Variants in NAV1 observed in about 807,000 individuals in gnomAD.
NAV1 encodes the protein neuron navigator 1.
In NAV1, 18 loss-of-function variants were observed where a neutral mutation model predicts 175.2. That is an observed-to-expected ratio of 0.10 (90% confidence interval 0.07 to 0.15). The LOEUF is 0.15. Among genes scored for constraint, NAV1 ranks in the 10% least tolerant of loss-of-function variants. The pLI is 1.00. For synonymous variants in NAV1, 897 were observed against 978.7 expected (o/e 0.92, Z 1.56); for missense variants, 1,731 against 2,436.6 (o/e 0.71, Z 6.10).
At chr1:201,725,421 A>G (rs1672563682) in intron 3 of NAV1, among the ~76,000 whole-genome samples, 1 of 152,170 alleles carries the variant, frequency 6.6e-6, no homozygotes, top group African/African-American at 2.4e-5. Context: ...TCAGGAAGGA[A>G]ACTCAGTTTC....
exon 30 of NAV1, chr1:201,825,054 G>A (rs1266015400): frequency 6.6e-6 from 1 of 152,158 alleles, no homozygotes; most frequent in East Asian, 1.9e-4. Context: ...TAATTTCAAA[G>A]TCACCTTTCT....
chr1:201,761,429 G>T (rs1674835712), intron 3 of NAV1, among the ~76,000 whole-genome samples: 1 of 152,164 alleles, frequency 6.6e-6, no homozygotes, highest in Non-Finnish European at 1.5e-5. Flanking sequence ...GGGTCTTTTA[G>T]AGCTGCCAGA....
chr1:201,744,463 C>G (rs1224880396), intron 3 of NAV1, among the ~76,000 whole-genome samples: 2 of 152,064 alleles, frequency 1.3e-5, no homozygotes, highest in African/African-American at 2.4e-5. Flanking sequence ...CATTTAGGAG[C>G]TATGTTTTCT....
At chr1:201,803,777 A>G in intron 16 of NAV1, 63 bp downstream of exon 20, 1 of 1,573,380 alleles carries the variant, frequency 6.4e-7, no homozygotes, top group African/African-American at 1.4e-5. Flanking sequence ...TCACCTCAGC[A>G]TAGGGATCGA....
chr1:201,824,730 A>G (rs1003406875), exon 30 of NAV1: 4 of 152,150 alleles, frequency 2.6e-5, no homozygotes, highest in African/African-American at 4.8e-5. Context: ...TCATGGAAGT[A>G]AGTGAGTGAT....
chr1:201,704,249 G>A (rs1236643247), intron 1 of NAV1, among the ~76,000 whole-genome samples: 1 of 152,258 alleles, frequency 6.6e-6, no homozygotes, highest in Non-Finnish European at 1.5e-5. Context: ...TGGGAGGAAA[G>A]GAGCTGTGCT....
At chr1:201,542,378 G>A (rs521838) in intron 1 of NAV1, among the ~76,000 whole-genome samples, 1,806 of 152,158 alleles carry the variant, frequency 0.012, 43 homozygotes, top group African/African-American at 0.041. Flanking sequence ...GCAATACTTG[G>A]CAAACACTTC....
At chr1:201,562,921 A>T (rs914288852) in intron 1 of NAV1, among the ~76,000 whole-genome samples, 3 of 152,150 alleles carry the variant, frequency 2.0e-5, no homozygotes, top group Admixed American at 6.5e-5. Context: ...TCTGAGCATC[A>T]GTTTCCTTTT....
rs141064275 is a variant in NAV1 at position 201,768,145 on chromosome 1, T to C, written c.1227-12276T>C. On this transcript the variant is annotated intron_variant, in intron 3 of 29. Transcript: ENST00000367296. ...TTCGAGACCAGCCTGGACAACATGG[T>C]GAAACCCCATCTCTACTAAAAATAC... Among the ~76,000 whole-genome samples, 113 of 151,998 alleles carry C rather than the reference T, an allele frequency of 7.4e-4. No individual in the cohort carries two copies. In the East Asian group the frequency reaches 0.018, roughly 25 times the overall value.
intron 3 of NAV1, among the ~76,000 whole-genome samples, chr1:201,725,995 G>A (rs1244332716): frequency 6.6e-6 from 1 of 152,148 alleles, no homozygotes; most frequent in Non-Finnish European, 1.5e-5. Context: ...AAAATAGAAA[G>A]GTAGGGTACT....
chr1:201,728,036 A>G (rs1672682115), intron 3 of NAV1, among the ~76,000 whole-genome samples: 1 of 152,196 alleles, frequency 6.6e-6, no homozygotes, highest in Non-Finnish European at 1.5e-5. Context: ...AAGAGGAAAG[A>G]TGGGAAGGAA....
chr1:201,709,723 G>A (rs945085650), intron 1 of NAV1, among the ~76,000 whole-genome samples: 1 of 152,170 alleles, frequency 6.6e-6, no homozygotes, highest in Non-Finnish European at 1.5e-5. Flanking sequence ...CTCCAGCCTG[G>A]TAGCAGAGAC....
At chr1:201,800,673 A>T (rs1041913525) in intron 15 of NAV1, among the ~76,000 whole-genome samples, 1 of 152,198 alleles carries the variant, frequency 6.6e-6, no homozygotes, top group Non-Finnish European at 1.5e-5. Context: ...CACCCCTTCA[A>T]ATCCCAATCC....
intron 16 of NAV1, 138 bp from the exon 21 acceptor site, chr1:201,804,351 G>T: frequency 1.2e-6 from 1 of 820,508 alleles, no homozygotes. Flanking sequence ...CTGCTCCTCT[G>T]TCCCCTGTTC....
chr1:201,554,925 C>G (rs967164413), intron 1 of NAV1, among the ~76,000 whole-genome samples: 1 of 152,140 alleles, frequency 6.6e-6, no homozygotes, highest in African/African-American at 2.4e-5. Context: ...TTCTAGTGTC[C>G]GGTGCTTTCC....
intron 3 of NAV1, chr1:201,739,329 G>T (rs1170107723): frequency 8.5e-5 from 13 of 152,294 alleles, no homozygotes; most frequent in African/African-American, 2.7e-4. Flanking sequence ...GAGCAGAAGG[G>T]TCGTGAGCCA....
intron 3 of NAV1, among the ~76,000 whole-genome samples, chr1:201,744,057 T>C (rs1215652880): frequency 1.4e-5 from 2 of 145,964 alleles, no homozygotes; most frequent in Non-Finnish European, 3.0e-5. Flanking sequence ...GCTAATTTTG[T>C]ATTTTTAGTA....
intron 20 of NAV1, 123 bp from the exon 25 acceptor site, chr1:201,809,041 A>G: frequency 7.8e-7 from 1 of 1,280,848 alleles, no homozygotes; most frequent in South Asian, 1.3e-5. Context: ...ACTACTTTTG[A>G]GTTTGGGACC....
chr1:201,557,449 T>C (rs1439963061), intron 1 of NAV1, among the ~76,000 whole-genome samples: 1 of 152,184 alleles, frequency 6.6e-6, no homozygotes, highest in Non-Finnish European at 1.5e-5. Flanking sequence ...CCAGGACATT[T>C]ACTCCCCATG....
Sources: allele counts gnomAD v4.1 joint callset (sites outside exome capture counted in the v4.1 genomes callset), GRCh38; gene constraint gnomAD v4.1.1; transcripts MANE v1.5; gene names NCBI Gene and HGNC (gene_info 2026-07-23, HGNC 2026-07-21).